The following PUM3 variants were observed in gnomAD, a reference collection of about 807,000 sequenced individuals.
PUM3 encodes pumilio homolog 3.
Under a neutral mutation model 84.0 loss-of-function variants are expected in PUM3, and 91 were observed. That is an observed-to-expected ratio of 1.08 (90% confidence interval 0.91 to 1.29). The LOEUF (loss-of-function observed/expected upper bound fraction) is 1.29. PUM3 is among the 50% of genes most tolerant of loss of function. PUM3 has a pLI of 0.00. For missense variants in PUM3, 1,067 were observed against 767.5 expected (o/e 1.39, Z -4.61); for synonymous variants, 321 against 266.7 (o/e 1.20, Z -1.98).
In PUM3 at chr9:2,833,344, A is replaced by G; in HGVS notation, c.516+13T>C. On this transcript the variant is annotated intron_variant, in intron 5 of 17. Transcript: ENST00000397885. ...ACTGTTAAAAATTGCAACAATGAGTATATGCTACTTACAGTTTTAATTTTC... is the reference window on the plus strand; with the variant it reads ...ACTGTTAAAAATTGCAACAATGAGTGTATGCTACTTACAGTTTTAATTTTC... 8.2e-6 allele frequency: 12 copies of G among 1,464,414 alleles called. No individual in the cohort carries two copies. The highest frequency in any genetic ancestry group is 1.1e-5 in the Non-Finnish European group (12 of 1,048,654). 90.7% of individuals were successfully genotyped at this position (1,464,414 alleles called of 1,614,324 possible).
At chr9:2,827,543 A>T (rs1815856967) in intron 9 of PUM3, among the ~76,000 whole-genome samples, 2 of 152,188 alleles carry the variant, frequency 1.3e-5, no homozygotes, top group Admixed American at 6.6e-5. Flanking sequence ...CACCCTTCAC[A>T]ATCCATCTGT....
rs148756256 is a variant in PUM3 at position 2,820,053 on chromosome 9, C to T, written c.1234G>A (p.Asp412Asn). The change falls in exon 13 of 18, where the codon GAT (aspartate) becomes AAT (asparagine). Residue 412 changes from aspartate (D) to asparagine (N), a missense_variant. By Grantham distance (23) the Asp-to-Asn change is conservative (BLOSUM62 1). Transcript: ENST00000397885. ...LVLLAAFDCI[D>N]DTKLVKQIII... ...ATCTGCTTCACAAGCTTAGTATCAT[C>T]AATACAATCAAATGCCGCCAGTAAA... is the stretch of plus-strand genomic sequence containing the variant. 1.2e-6 allele frequency: 2 copies of T among 1,612,640 alleles called. No homozygotes were observed. The highest frequency in any genetic ancestry group is 4.5e-5 in the East Asian group (2 of 44,812).
chr9:2,825,327 A>T (rs1350563144), intron 10 of PUM3, among the ~76,000 whole-genome samples: 1 of 152,214 alleles, frequency 6.6e-6, no homozygotes, highest in Non-Finnish European at 1.5e-5. Context: ...ACACGCTTAC[A>T]TAACATTTCC....
At chr9:2,812,403 T>G (rs1821393429) in intron 13 of PUM3, 41 bp from the exon 14 acceptor site, 1 of 1,368,326 alleles carries the variant, frequency 7.3e-7, no homozygotes, top group Non-Finnish European at 1.0e-6. Context: ...AATATCTGCA[T>G]TCTCAAAACA....
At chr9:2,816,814 C>A (rs1821479716) in intron 13 of PUM3, among the ~76,000 whole-genome samples, 1 of 152,188 alleles carries the variant, frequency 6.6e-6, no homozygotes, top group Non-Finnish European at 1.5e-5. Context: ...CCACATCTGA[C>A]TAGAAGATCA....
At position 2,811,486 on chromosome 9, in the gene PUM3, C is replaced by G; in HGVS notation, c.1510G>C (p.Asp504His). The change falls in exon 15 of 18, where the codon GAT becomes CAT. Residue 504 changes from aspartate (D) to histidine (H), a missense_variant. Physicochemically the swap from Asp to His is moderately conservative, Grantham distance 81 (BLOSUM62 -1). Transcript: ENST00000397885. Reference sequence around the variant, plus strand: ...GACACCAACACACACGCAGACTTATCTAGCACCACTTCTTGGGCGTGTTCT... The same window carrying G: ...GACACCAACACACACGCAGACTTATGTAGCACCACTTCTTGGGCGTGTTCT... ...LQEHAQEVVL[D>H]KSACVLVSDI... is the part of the protein sequence containing the mutation. 1.2e-6 allele frequency: 2 copies of G among 1,614,188 alleles called. No individual in the cohort carries two copies. Among genetic ancestry groups the G allele is most frequent in the Non-Finnish European group, 1.7e-6 (2 of 1,180,032 alleles).
At chr9:2,820,875 A>G (rs1487240614) in intron 12 of PUM3, among the ~76,000 whole-genome samples, 1 of 152,182 alleles carries the variant, frequency 6.6e-6, no homozygotes, top group Non-Finnish European at 1.5e-5. Flanking sequence ...TTTAAAGAAC[A>G]CCTACTTTAT....
At chr9:2,804,554 G>A (rs1375222349) in intron 17 of PUM3, 91 bp from the exon 18 acceptor site, 1 of 1,203,602 alleles carries the variant, frequency 8.3e-7, no homozygotes. Context: ...TTTGTTAACT[G>A]TGACACAAGC....
chr9:2,812,985 G>C (rs891377462), intron 13 of PUM3, among the ~76,000 whole-genome samples: 41 of 152,226 alleles, frequency 2.7e-4, no homozygotes, highest in Non-Finnish European at 7.3e-5. Flanking sequence ...AAGAAACTCT[G>C]TTAAATCGAA....
chr9:2,843,582 T>TC (rs1453559232), intron 1 of PUM3, among the ~76,000 whole-genome samples: 1 of 142,658 alleles, frequency 7.0e-6, no homozygotes, highest in East Asian at 2.0e-4. Context: ...TCTTTTTTTT[T>TC]TTTTTTTTTT....
chr9:2,823,015 C>T (rs1182402744), intron 12 of PUM3, among the ~76,000 whole-genome samples: 1 of 151,520 alleles, frequency 6.6e-6, no homozygotes, highest in African/African-American at 2.4e-5. Context: ...TGGATGTTTT[C>T]AAAGGATAAA....
intron 13 of PUM3, 34 bp from the exon 14 acceptor site, chr9:2,812,396 A>G: frequency 7.0e-7 from 1 of 1,423,500 alleles, no homozygotes; most frequent in Non-Finnish European, 9.7e-7. Flanking sequence ...AAGAATCAAT[A>G]TCTGCATTCT....
intron 12 of PUM3, among the ~76,000 whole-genome samples, chr9:2,823,010 G>C (rs1172805256): frequency 6.6e-6 from 1 of 151,552 alleles, no homozygotes; most frequent in African/African-American, 2.4e-5. Context: ...CTCACTGGAT[G>C]TTTTCAAAGG....
At chr9:2,815,388 A>G (rs1272190814) in intron 13 of PUM3, among the ~76,000 whole-genome samples, 3 of 152,148 alleles carry the variant, frequency 2.0e-5, no homozygotes, top group Non-Finnish European at 4.4e-5. Context: ...AATGGGGAGG[A>G]AGTTCTAGAT....
intron 16 of PUM3, among the ~76,000 whole-genome samples, chr9:2,809,696 G>A (rs148425611): frequency 3.9e-5 from 6 of 152,308 alleles, no homozygotes; most frequent in Non-Finnish European, 7.3e-5. Context: ...ATGGAATTTG[G>A]ATTTTGTAAG....
intron 4 of PUM3, among the ~76,000 whole-genome samples, chr9:2,833,807 C>T (rs1259667609): frequency 1.3e-5 from 2 of 152,096 alleles, no homozygotes; most frequent in Non-Finnish European, 2.9e-5. Context: ...TTATTTCAAC[C>T]TCATACATTT....
intron 5 of PUM3, among the ~76,000 whole-genome samples, chr9:2,832,348 G>C (rs572605772): frequency 6.6e-6 from 1 of 152,224 alleles, no homozygotes; most frequent in African/African-American, 2.4e-5. Context: ...GAAGGAACTC[G>C]CTATCTCTAT....
At chr9:2,810,308 A>T in intron 16 of PUM3, 36 bp downstream of exon 16, 2 of 1,347,330 alleles carry the variant, frequency 1.5e-6, no homozygotes, top group South Asian at 2.3e-5. Context: ...GGAATTCCAC[A>T]TGAGATACAA....
chr9:2,812,346 A>G lies in PUM3; in HGVS notation c.1286T>C (p.Leu429Ser). 1 of 1,574,960 alleles carries G rather than the reference A, an allele frequency of 6.3e-7. No homozygotes were observed. Among genetic ancestry groups the G allele is most frequent in the African/African-American group, 1.4e-5 (1 of 73,636 alleles). Residue 429 changes from leucine to serine, a missense_variant, in exon 14 of 18, where the codon TTG becomes TCG. Physicochemically the swap from Leu to Ser is moderately radical, Grantham distance 145. Transcript: ENST00000397885. ...QIIISEIISSLPSIVNDKYGR... is the reference protein window; with the variant it reads ...QIIISEIISSSPSIVNDKYGR... Reference sequence around the variant, plus strand: ...ATATTTGTCATTTACTATGCTAGGCAATGAACTGATAATTTCCTATAAAAT... The same window carrying G: ...ATATTTGTCATTTACTATGCTAGGCGATGAACTGATAATTTCCTATAAAAT...
Sources: gnomAD v4.1 joint callset for allele counts (sites outside exome capture counted in the v4.1 genomes callset) on GRCh38, gnomAD v4.1.1 for gene constraint, MANE v1.5 for transcripts, NCBI Gene and HGNC (gene_info 2026-07-23, HGNC 2026-07-21) for gene names.